PCDH15: variants seen among roughly 807,000 people sequenced by gnomAD.
PCDH15 encodes the protein protocadherin related 15.
Under a neutral mutation model 178.5 loss-of-function variants are expected in PCDH15, and 129 were observed. The observed-to-expected ratio is 0.72, with a 90% confidence interval of 0.63 to 0.84. The LOEUF (loss-of-function observed/expected upper bound fraction) is 0.84. Among genes scored for constraint, PCDH15 ranks in the 40% least tolerant of loss-of-function variants. The probability of loss-of-function intolerance (pLI) is 0.00; values close to 1 mark genes in which losing one functional copy is unlikely to be tolerated. For synonymous variants in PCDH15, 800 were observed against 732.0 expected (o/e 1.09, Z -1.50); for missense variants, 2,230 against 2,099.9 (o/e 1.06, Z -1.21).
At chr10:54,853,289 G>GTATATATATATATATATATA (rs71014423) in intron 3 of PCDH15, among the ~76,000 whole-genome samples, 1 of 102,576 alleles carries the variant, frequency 9.7e-6, no homozygotes, top group Non-Finnish European at 1.9e-5. Context: ...ATGTATGTGT[G>GTATATATATATATATATATA]TATATATATA....
intron 2 of PCDH15, among the ~76,000 whole-genome samples, chr10:54,644,568 A>T (rs1002448590): frequency 6.6e-6 from 1 of 152,044 alleles, no homozygotes; most frequent in African/African-American, 2.4e-5. Context: ...ACTTTATCTT[A>T]AGCTTCCAGT....
intron 2 of PCDH15, among the ~76,000 whole-genome samples, chr10:55,436,357 A>C (rs2132063002): frequency 6.6e-6 from 1 of 152,266 alleles, no homozygotes; most frequent in Admixed American, 6.5e-5. Context: ...GTTTTGATTA[A>C]AACATTTAAA....
rs187356165 is a variant in PCDH15, at chr10:54,185,369, G to A, written c.1306-101C>T. ...TTTGAAATTTATAGCAAAAATCCACGTGAAAGTATTAAGAATTTCTAACGA... is the reference window on the plus strand; with the variant it reads ...TTTGAAATTTATAGCAAAAATCCACATGAAAGTATTAAGAATTTCTAACGA... On this transcript the variant is annotated intron_variant, in intron 11 of 37. Transcript: ENST00000644397. 1,529 of 1,307,456 alleles carry A rather than the reference G, an allele frequency of 1.2e-3. 4 individuals are homozygous for A. Among genetic ancestry groups the A allele is most frequent in the South Asian group, 4.5e-3 (365 of 81,606 alleles). The allele number at this position is 1,307,456 out of a possible 1,614,324, so 81.0% of individuals were successfully genotyped here.
intron 1 of PCDH15, among the ~76,000 whole-genome samples, chr10:55,285,834 C>T (rs1842856474): frequency 6.6e-6 from 1 of 151,886 alleles, no homozygotes; most frequent in South Asian, 2.1e-4. Flanking sequence ...GAATGGCAAG[C>T]TATGACTCTG....
chr10:54,718,911 G>T (rs1591260985), intron 1 of PCDH15, among the ~76,000 whole-genome samples: 1 of 151,666 alleles, frequency 6.6e-6, no homozygotes, highest in South Asian at 2.1e-4. Context: ...TGGCCAGGCT[G>T]GTCTTGAACT....
chr10:54,132,966 T>G lies in PCDH15; in HGVS notation c.1826A>C (p.Asn609Thr). 3 of 1,614,116 alleles carry G rather than the reference T, an allele frequency of 1.9e-6. No homozygotes were observed. The South Asian group carries it at 3.3e-5, about 18-fold the overall frequency. Residue 609 changes from asparagine to threonine, a missense_variant, in exon 15 of 38, where the codon AAT becomes ACT. By Grantham distance (65) the Asn-to-Thr change is moderately conservative. Transcript: ENST00000644397. ...TGGGAAGCGAGGAGGGCTTTGATTA[T>G]TTGGTGGAAGCACTTCAATATACAC... Reference protein sequence around the residue: ...CTVYIEVLPPNNQSPPRFPQL... With the variant: ...CTVYIEVLPPTNQSPPRFPQL...
rs551084942 is a variant in PCDH15, at chr10:54,150,433, C to CT, written c.1784+2666dup. Among the ~76,000 whole-genome samples, 40 of 147,768 alleles carry CT rather than the reference C, an allele frequency of 2.7e-4. No individual in the cohort carries two copies. The Middle Eastern group carries it at 0.014, about 52-fold the overall frequency. On this transcript the variant is annotated intron_variant, in intron 14 of 37. Coordinates refer to ENST00000644397, the MANE Select transcript of PCDH15 (RefSeq NM_001384140.1). ...GATCTCGTAAGATTCTTGAGACTTC[C>CT]TTTTTTTTTTGAACTAATATTAGTA...
In PCDH15 at chr10:55,124,439, C is replaced by A. The variant is rs184215316; in HGVS notation, c.-80+42137G>T. 3.8e-3 allele frequency among the ~76,000 whole-genome samples: 583 copies of A among 152,162 alleles called. 3 individuals are homozygous for A. The highest frequency in any genetic ancestry group is 0.01 in the Middle Eastern group (3 of 294). On this transcript the variant is annotated intron_variant, in intron 2 of 5. Coordinates refer to the PCDH15 transcript ENST00000458638. The stretch of plus-strand genomic sequence containing the variant: ...CACACACACACTTCTTGTATTAGAG[C>A]TTTTTAAAAACTTTAATAGAATAAT...
At chr10:54,896,011 C>T (rs1281851255) in intron 3 of PCDH15, among the ~76,000 whole-genome samples, 4 of 152,020 alleles carry the variant, frequency 2.6e-5, no homozygotes, top group South Asian at 2.1e-4. Context: ...CTCATCCTCC[C>T]GAGTACCCAG....
intron 18 of PCDH15, among the ~76,000 whole-genome samples, chr10:54,039,849 A>G (rs1176429593): frequency 6.6e-6 from 1 of 151,946 alleles, no homozygotes; most frequent in Non-Finnish European, 1.5e-5. Flanking sequence ...TATTGCCATC[A>G]GTTTTCAAAC....
chr10:55,446,200 A>AC (rs1419938337), intron 2 of PCDH15, among the ~76,000 whole-genome samples: 89 of 151,300 alleles, frequency 5.9e-4, no homozygotes, highest in African/African-American at 2.0e-3. Flanking sequence ...CACTCACACG[A>AC]ACACACACAC....
At chr10:53,924,339 A>G (rs2084288045) in intron 25 of PCDH15, among the ~76,000 whole-genome samples, 1 of 152,180 alleles carries the variant, frequency 6.6e-6, no homozygotes, top group African/African-American at 2.4e-5. Context: ...GCAGCTGCGG[A>G]GGGTGCACCG....
intron 15 of PCDH15, among the ~76,000 whole-genome samples, chr10:54,126,818 A>G (rs7070995): frequency 1 from 152,104 of 152,130 alleles, 76,039 homozygotes; most frequent in Middle Eastern, 1. Context: ...GTTCACATAT[A>G]GACTCTGCAT....
At chr10:54,099,144 A>C (rs554373407) in intron 15 of PCDH15, among the ~76,000 whole-genome samples, 2 of 152,290 alleles carry the variant, frequency 1.3e-5, no homozygotes, top group African/African-American at 4.8e-5. Flanking sequence ...CAGTGAATGA[A>C]ATCAGTACAC....
chr10:55,602,619 C>T (rs1161262476), intron 2 of PCDH15, among the ~76,000 whole-genome samples: 4 of 152,002 alleles, frequency 2.6e-5, no homozygotes, highest in Non-Finnish European at 4.4e-5. Context: ...CACCCCCCAG[C>T]AGGGGCACAC....
intron 2 of PCDH15, among the ~76,000 whole-genome samples, chr10:55,349,661 A>C (rs1414047879): frequency 1.3e-5 from 2 of 152,168 alleles, no homozygotes; most frequent in African/African-American, 4.8e-5. Flanking sequence ...CATTAATAGA[A>C]CATTTGCTGT....
chr10:54,417,259 G>A (rs1039072897), intron 3 of PCDH15, among the ~76,000 whole-genome samples: 9 of 152,098 alleles, frequency 5.9e-5, no homozygotes, highest in Non-Finnish European at 1.2e-4. Flanking sequence ...CACTTACGTC[G>A]ATCTACTTTA....
intron 2 of PCDH15, among the ~76,000 whole-genome samples, chr10:55,337,281 CAG>C (rs1467356899): frequency 6.6e-6 from 1 of 152,078 alleles, no homozygotes; most frequent in East Asian, 1.9e-4. Context: ...ACTTTTCACA[CAG>C]AAAATTATTT....
intron 1 of PCDH15, among the ~76,000 whole-genome samples, chr10:54,793,625 T>C (rs1951647881): frequency 6.7e-6 from 1 of 150,298 alleles, no homozygotes; most frequent in African/African-American, 2.4e-5. Context: ...CATATTGTAG[T>C]AAAGTAGCCA....
Sources: gnomAD v4.1 joint callset for allele counts (sites outside exome capture counted in the v4.1 genomes callset) on GRCh38, gnomAD v4.1.1 for gene constraint, MANE v1.5 for transcripts, NCBI Gene and HGNC (gene_info 2026-07-23, HGNC 2026-07-21) for gene names.